Variants in OPCML observed in about 807,000 individuals in gnomAD.
OPCML encodes opioid binding protein/cell adhesion molecule like.
Under a neutral mutation model 37.8 loss-of-function variants are expected in OPCML, and 13 were observed. The observed-to-expected ratio is 0.34, with a 90% confidence interval of 0.22 to 0.55. The LOEUF (loss-of-function observed/expected upper bound fraction) is 0.55, where lower values mean the gene tolerates loss of function less well. Ranked by LOEUF, OPCML falls within the 20% of genes least tolerant of loss-of-function variation. The pLI is 0.91. For missense variants in OPCML, 341 were observed against 435.6 expected (o/e 0.78, Z 1.93); for synonymous variants, 176 against 168.8 (o/e 1.04, Z -0.33).
At chr11:133,149,638 G>T (rs766838924) in intron 1 of OPCML, among the ~76,000 whole-genome samples, 2 of 152,154 alleles carry the variant, frequency 1.3e-5, no homozygotes, top group Non-Finnish European at 2.9e-5. Context: ...CTTGATAATC[G>T]GCTGTGGAAA....
At chr11:133,380,998 G>A (rs969840445) in intron 1 of OPCML, among the ~76,000 whole-genome samples, 8 of 152,208 alleles carry the variant, frequency 5.3e-5, no homozygotes, top group Admixed American at 5.2e-4. Context: ...GGAAGGCAAG[G>A]ACAGGGCGAA....
chr11:133,023,951 A>G (rs528691661), intron 1 of OPCML, among the ~76,000 whole-genome samples: 4 of 152,318 alleles, frequency 2.6e-5, no homozygotes, highest in East Asian at 3.9e-4. Context: ...AGGAAGAATA[A>G]CAGTCACTGA....
intron 1 of OPCML, among the ~76,000 whole-genome samples, chr11:133,435,515 C>CT (rs1367075200): frequency 3.3e-5 from 5 of 152,146 alleles, no homozygotes; most frequent in Non-Finnish European, 5.9e-5. Flanking sequence ...AATATAGAGT[C>CT]TTTCTTCAGT....
intron 2 of OPCML, among the ~76,000 whole-genome samples, chr11:132,939,923 A>T (rs1221035225): frequency 6.6e-6 from 1 of 152,240 alleles, no homozygotes; most frequent in Non-Finnish European, 1.5e-5. Flanking sequence ...GGAAGCTATA[A>T]TTCAACCATA....
At chr11:133,246,467 T>G (rs1319996276) in intron 1 of OPCML, among the ~76,000 whole-genome samples, 1 of 152,132 alleles carries the variant, frequency 6.6e-6, no homozygotes, top group African/African-American at 2.4e-5. Flanking sequence ...GCAAGAGCAG[T>G]TTTACAGGTG....
intron 1 of OPCML, among the ~76,000 whole-genome samples, chr11:132,966,300 TTGAG>T (rs1946213182): frequency 6.6e-6 from 1 of 152,130 alleles, no homozygotes. Flanking sequence ...TCATTGGTAT[TTGAG>T]TGTGTTAATT....
intron 2 of OPCML, among the ~76,000 whole-genome samples, chr11:132,819,354 T>TAA (rs5795802): frequency 6.9e-6 from 1 of 145,964 alleles, no homozygotes; most frequent in African/African-American, 2.5e-5. Flanking sequence ...TTACTTTGGT[T>TAA]AAAAAAAAAA....
intron 1 of OPCML, among the ~76,000 whole-genome samples, chr11:133,031,435 A>T (rs1382067038): frequency 6.7e-6 from 1 of 148,934 alleles, no homozygotes; most frequent in Non-Finnish European, 1.5e-5. Context: ...GGTTGGTTGG[A>T]TGGGTAGGTG....
At chr11:132,940,027 T>G (rs1945525810) in intron 2 of OPCML, among the ~76,000 whole-genome samples, 1 of 152,194 alleles carries the variant, frequency 6.6e-6, no homozygotes. Context: ...CAAGTAACCC[T>G]ATGAAGTAGT....
chr11:132,846,732 TA>T (rs889429830), intron 2 of OPCML, among the ~76,000 whole-genome samples: 12 of 152,132 alleles, frequency 7.9e-5, no homozygotes, highest in African/African-American at 2.9e-4. Context: ...TGTGAAATAT[TA>T]GGGTGAGAAG....
chr11:133,109,353 G>A lies in OPCML; in HGVS notation c.62-166343C>T, dbSNP rs1345926058. Among the ~76,000 whole-genome samples the A allele has an allele frequency of 2.6e-5, 4 of 152,232 alleles. No homozygotes were observed. In the East Asian group the frequency reaches 7.7e-4, roughly 29 times the overall value. Reference sequence around the variant, plus strand: ...ACTGAGTGGGTTACCGCTGCTGGCTGGGGGTGGTCGGCTTTTATTCCCTTA... The same window carrying A: ...ACTGAGTGGGTTACCGCTGCTGGCTAGGGGTGGTCGGCTTTTATTCCCTTA... On this transcript the variant is annotated intron_variant, in intron 1 of 7. Coordinates refer to ENST00000524381, the MANE Select transcript of OPCML (RefSeq NM_001012393.5).
chr11:132,946,280 A>T (rs967488148), intron 1 of OPCML, among the ~76,000 whole-genome samples: 1 of 152,194 alleles, frequency 6.6e-6, no homozygotes, highest in Admixed American at 6.5e-5. Context: ...CTCCTGAAGG[A>T]CCTGCCTGTG....
chr11:132,682,696 C>CGGA (rs1943001900), intron 2 of OPCML, among the ~76,000 whole-genome samples: 1 of 152,194 alleles, frequency 6.6e-6, no homozygotes, highest in South Asian at 2.1e-4. Flanking sequence ...AGGGAGAGAA[C>CGGA]GGAGGACCGA....
chr11:133,140,572 A>AGAAGAAGAAG (rs1565467437), intron 1 of OPCML, among the ~76,000 whole-genome samples: 4 of 147,892 alleles, frequency 2.7e-5, no homozygotes, highest in African/African-American at 9.9e-5. Context: ...AAGAAGAAGA[A>AGAAGAAGAAG]GAAGAAAGAA....
intron 1 of OPCML, among the ~76,000 whole-genome samples, chr11:133,082,853 C>T (rs1268877047): frequency 2.0e-5 from 3 of 149,444 alleles, no homozygotes; most frequent in African/African-American, 4.9e-5. Context: ...TGCAGGGTGC[C>T]GGGGGCCCCT....
rs142996264 is a variant in OPCML at position 133,142,603 on chromosome 11, A to G, written c.62-199593T>C. Among the ~76,000 whole-genome samples, 564 of 152,260 alleles carry G rather than the reference A, an allele frequency of 3.7e-3. 1 individual carries two copies. The highest frequency in any genetic ancestry group is 5.6e-3 in the Non-Finnish European group (383 of 68,008). The stretch of plus-strand genomic sequence containing the variant: ...AGGACTGGGCTTTCATTTTACTCAC[A>G]TGGGTAGTCCTGGCAGTACATAGCA... On this transcript the variant is annotated intron_variant, in intron 1 of 7. Transcript: ENST00000524381.
chr11:132,699,980 C>G (rs1012450639), intron 2 of OPCML, among the ~76,000 whole-genome samples: 2 of 147,560 alleles, frequency 1.4e-5, no homozygotes, highest in African/African-American at 5.0e-5. Flanking sequence ...TTGGGCTTTT[C>G]TTTTTTGGGA....
intron 1 of OPCML, among the ~76,000 whole-genome samples, chr11:133,095,208 AG>A (rs1250432872): frequency 3.3e-5 from 5 of 149,672 alleles, no homozygotes; most frequent in Non-Finnish European, 7.4e-5. Flanking sequence ...GATGTTTTCT[AG>A]CCACATCTTC....
At chr11:133,253,120 T>C (rs970525551) in intron 1 of OPCML, among the ~76,000 whole-genome samples, 2 of 137,246 alleles carry the variant, frequency 1.5e-5, no homozygotes, top group African/African-American at 5.5e-5. Flanking sequence ...CACTCCAGCC[T>C]GGGTGACAGA....
Sources: gnomAD v4.1 joint callset for allele counts (sites outside exome capture counted in the v4.1 genomes callset) on GRCh38, gnomAD v4.1.1 for gene constraint, MANE v1.5 for transcripts, NCBI Gene and HGNC (gene_info 2026-07-23, HGNC 2026-07-21) for gene names.